ELOVL7: variants seen among roughly 807,000 people sequenced by gnomAD.
ELOVL7 encodes ELOVL fatty acid elongase 7.
Under a neutral mutation model 35.7 loss-of-function variants are expected in ELOVL7, and 27 were observed. The ratio of observed to expected loss-of-function variants is 0.76; its 90% CI spans 0.56 to 1.04. The LOEUF (loss-of-function observed/expected upper bound fraction) is 1.04, where lower values mean the gene tolerates loss of function less well. Ranked by LOEUF, ELOVL7 falls within the 50% of genes least tolerant of loss-of-function variation. The probability of loss-of-function intolerance (pLI) is 0.00; values close to 1 mark genes in which losing one functional copy is unlikely to be tolerated. For missense variants in ELOVL7, 327 were observed against 340.8 expected, an observed-to-expected ratio of 0.96 and a Z score of 0.32; for synonymous variants, 113 against 114.6, an observed-to-expected ratio of 0.99 and a Z score of 0.09.
intron 1 of ELOVL7, among the ~76,000 whole-genome samples, chr5:60,834,287 G>A (rs1232951839): frequency 1.3e-5 from 2 of 151,960 alleles, no homozygotes; most frequent in Non-Finnish European, 2.9e-5. Flanking sequence ...GATTACAGGT[G>A]CCCGCCACCA....
chr5:60,820,421 T>C (rs1480085275), intron 1 of ELOVL7, among the ~76,000 whole-genome samples: 3 of 152,202 alleles, frequency 2.0e-5, no homozygotes, highest in East Asian at 3.8e-4. Context: ...ATGGCAGCAA[T>C]AGAAAACTAA....
chr5:60,768,187 T>TG (rs1418690504), intron 4 of ELOVL7, among the ~76,000 whole-genome samples: 7 of 152,194 alleles, frequency 4.6e-5, no homozygotes, highest in African/African-American at 1.7e-4. Flanking sequence ...ATAAAACACT[T>TG]GGAGTGTTTT....
intron 3 of ELOVL7, among the ~76,000 whole-genome samples, chr5:60,782,901 C>T (rs1579825855): frequency 1.3e-5 from 2 of 152,268 alleles, no homozygotes; most frequent in East Asian, 1.9e-4. Context: ...GCTAATAATA[C>T]TGTATATTTC....
At chr5:60,829,639 GAGA>G (rs1022192376) in intron 1 of ELOVL7, among the ~76,000 whole-genome samples, 4 of 152,142 alleles carry the variant, frequency 2.6e-5, no homozygotes, top group African/African-American at 9.7e-5. Context: ...AGACATACTA[GAGA>G]AGAAGATAAT....
At chr5:60,796,432 T>C (rs1009964189) in intron 2 of ELOVL7, among the ~76,000 whole-genome samples, 11 of 152,202 alleles carry the variant, frequency 7.2e-5, no homozygotes, top group Non-Finnish European at 7.3e-5. Context: ...CTGATTATTG[T>C]AGGATGTTTA....
intron 8 of ELOVL7, among the ~76,000 whole-genome samples, chr5:60,757,126 C>G (rs987868205): frequency 3.3e-5 from 5 of 152,052 alleles, no homozygotes; most frequent in African/African-American, 1.2e-4. Flanking sequence ...GGTAAGCACA[C>G]AGGAAGGCTC....
chr5:60,825,997 G>A (rs771200380), intron 1 of ELOVL7, among the ~76,000 whole-genome samples: 92 of 152,362 alleles, frequency 6.0e-4, no homozygotes, highest in African/African-American at 2.2e-3. Flanking sequence ...AATGCCCAGC[G>A]GTGGACAGGC....
chr5:60,843,926 C>A (rs1747340650), intron 1 of ELOVL7, among the ~76,000 whole-genome samples: 1 of 152,128 alleles, frequency 6.6e-6, no homozygotes, highest in Non-Finnish European at 1.5e-5. Context: ...GTCCTCCCCA[C>A]GCGCAGGCAG....
In ELOVL7 at chr5:60,815,826, T is replaced by C. The variant is rs571919351; in HGVS notation, c.-85-16596A>G. 5.8e-4 allele frequency among the ~76,000 whole-genome samples: 88 copies of C among 152,264 alleles called. 1 individual carries two copies. The highest frequency in any genetic ancestry group is 2.1e-3 in the African/African-American group (86 of 41,556). ...AATAAAAATGGTGAAAGTCTTTAGGTTTGCTAAAGCCAAGATGGAATAGTA... is the reference window on the plus strand; with the variant it reads ...AATAAAAATGGTGAAAGTCTTTAGGCTTGCTAAAGCCAAGATGGAATAGTA... On this transcript the variant is annotated intron_variant, in intron 1 of 8. Coordinates refer to ENST00000508821, the MANE Select transcript of ELOVL7 (RefSeq NM_024930.3).
rs2112099959 is a variant in ELOVL7, at chr5:60,752,036, T to C, written c.*2588A>G. The stretch of plus-strand genomic sequence containing the variant: ...CAAGGATTCATAGAGATTTATGTAA[T>C]AAACTAGATTTTGGAACTATTTATT... On this transcript the variant is annotated 3_prime_UTR_variant, in exon 9 of 9. Transcript: ENST00000508821. The C allele has an allele frequency of 6.6e-6, 1 of 152,336 alleles. No individual in the cohort carries two copies. The highest frequency in any genetic ancestry group is 2.1e-4 in the South Asian group (1 of 4,830). 9.4% of individuals were successfully genotyped at this position (152,336 alleles called of 1,614,324 possible).
At chr5:60,784,827 T>C (rs1743473632) in intron 3 of ELOVL7, among the ~76,000 whole-genome samples, 1 of 152,214 alleles carries the variant, frequency 6.6e-6, no homozygotes, top group African/African-American at 2.4e-5. Context: ...CAAAACATTT[T>C]AACCCTTTTA....
At chr5:60,764,044 G>A (rs1742081443) in intron 7 of ELOVL7, among the ~76,000 whole-genome samples, 183 bp downstream of exon 7, 1 of 151,808 alleles carries the variant, frequency 6.6e-6, no homozygotes, top group Admixed American at 6.6e-5. Context: ...TAAAGAGTGG[G>A]GTAAACCTAG....
intron 1 of ELOVL7, among the ~76,000 whole-genome samples, chr5:60,829,984 C>T (rs983495489): frequency 1.4e-4 from 21 of 152,170 alleles, no homozygotes; most frequent in Non-Finnish European, 5.9e-5. Context: ...TTGCCTCCTA[C>T]ATCATCTGCT....
chr5:60,810,501 AT>A (rs1745181336), intron 1 of ELOVL7, among the ~76,000 whole-genome samples: 1 of 152,228 alleles, frequency 6.6e-6, no homozygotes, highest in Non-Finnish European at 1.5e-5. Context: ...CTGATGATAG[AT>A]TTGCCCATTA....
At chr5:60,784,151 G>A (rs1300966915) in intron 3 of ELOVL7, 6 of 1,521,744 alleles carry the variant, frequency 3.9e-6, no homozygotes, top group Non-Finnish European at 5.3e-6. Flanking sequence ...CTCTTCTTAA[G>A]TAGCAGGTAC....
At chr5:60,755,654 C>A (rs770622250) in intron 8 of ELOVL7, among the ~76,000 whole-genome samples, 2 of 151,348 alleles carry the variant, frequency 1.3e-5, no homozygotes, top group Non-Finnish European at 2.9e-5. Flanking sequence ...GAGATTCCAT[C>A]TCAAAAAAAA....
intron 1 of ELOVL7, among the ~76,000 whole-genome samples, chr5:60,833,759 A>T (rs1041357057): frequency 2.0e-5 from 3 of 152,212 alleles, no homozygotes; most frequent in Non-Finnish European, 2.9e-5. Context: ...CTTGCTTATA[A>T]CATGGGAAGA....
At chr5:60,757,911 C>T (rs944856574) in intron 7 of ELOVL7, among the ~76,000 whole-genome samples, 3 of 152,032 alleles carry the variant, frequency 2.0e-5, no homozygotes, top group African/African-American at 7.2e-5. Flanking sequence ...AATTTACTTA[C>T]ACTTAGTTGA....
At chr5:60,817,451 C>T (rs976148252) in intron 1 of ELOVL7, among the ~76,000 whole-genome samples, 1 of 151,334 alleles carries the variant, frequency 6.6e-6, no homozygotes, top group African/African-American at 2.4e-5. Flanking sequence ...CTTTGTTAGT[C>T]AAAGTCTGGA....
Sources: allele counts gnomAD v4.1 joint callset (sites outside exome capture counted in the v4.1 genomes callset), GRCh38; gene constraint gnomAD v4.1.1; transcripts MANE v1.5; gene names NCBI Gene and HGNC (gene_info 2026-07-23, HGNC 2026-07-21).